NRDC: variants seen among roughly 807,000 people sequenced by gnomAD.
The protein encoded by NRDC is nardilysin convertase, also known as nardilysin.
A neutral mutation model predicts 147.1 loss-of-function variants in NRDC; 54 were observed. The ratio of observed to expected loss-of-function variants is 0.37; its 90% CI spans 0.29 to 0.46. The LOEUF (loss-of-function observed/expected upper bound fraction) is 0.46, where lower values mean the gene tolerates loss of function less well. Ranked by LOEUF, NRDC falls within the 20% of genes least tolerant of loss-of-function variation. The probability of loss-of-function intolerance (pLI) is 1.00; values close to 1 mark genes in which losing one functional copy is unlikely to be tolerated. For missense variants in NRDC, 1,082 were observed against 1,370.6 expected, an observed-to-expected ratio of 0.79 and a Z score of 3.33; for synonymous variants, 440 against 482.1, an observed-to-expected ratio of 0.91 and a Z score of 1.14.
At chr1:51,869,834 T>C (rs1168493526) in intron 1 of NRDC, among the ~76,000 whole-genome samples, 1 of 152,246 alleles carries the variant, frequency 6.6e-6, no homozygotes, top group African/African-American at 2.4e-5. Context: ...GTAGTATTTG[T>C]ATCATTTGCA....
chr1:51,792,469 A>G, intron 24 of NRDC, 45 bp from the exon 25 acceptor site: 1 of 1,592,424 alleles, frequency 6.3e-7, no homozygotes, highest in Non-Finnish European at 8.6e-7. Context: ...CCAGTGGTTT[A>G]CAGGGCTTTT....
chr1:51,816,075 T>C (rs1386108994), intron 11 of NRDC: 2 of 240,088 alleles, frequency 8.3e-6, no homozygotes, highest in African/African-American at 2.3e-5. Context: ...TATGATTTTT[T>C]AAAATTTTGT....
At chr1:51,835,451 G>C (rs1557919259) in intron 3 of NRDC, among the ~76,000 whole-genome samples, 1 of 144,696 alleles carries the variant, frequency 6.9e-6, no homozygotes, top group South Asian at 2.2e-4. Flanking sequence ...GAATTTCTAG[G>C]TTTTTTTTGT....
intron 1 of NRDC, among the ~76,000 whole-genome samples, chr1:51,851,412 A>G (rs1286140941): frequency 6.6e-6 from 1 of 151,736 alleles, no homozygotes; most frequent in East Asian, 1.9e-4. Context: ...AAGGTTTGTC[A>G]CCTAGGTTTT....
chr1:51,837,122 G>A (rs1377125329), intron 2 of NRDC, among the ~76,000 whole-genome samples: 1 of 152,006 alleles, frequency 6.6e-6, no homozygotes, highest in Non-Finnish European at 1.5e-5. Context: ...ACAAAAAAAG[G>A]AGAAAAAACG....
intron 9 of NRDC, among the ~76,000 whole-genome samples, chr1:51,819,564 G>A (rs1380492432): frequency 6.6e-6 from 1 of 152,094 alleles, no homozygotes; most frequent in Non-Finnish European, 1.5e-5. Flanking sequence ...GTAAAACAAG[G>A]AGAAAGCATG....
intron 1 of NRDC, among the ~76,000 whole-genome samples, chr1:51,858,468 CT>C (rs1476984226): frequency 1.6e-5 from 2 of 127,366 alleles, no homozygotes; most frequent in Non-Finnish European, 3.3e-5. Flanking sequence ...GAAACCCTGT[CT>C]TTAAAAAAAA....
intron 5 of NRDC, among the ~76,000 whole-genome samples, chr1:51,827,122 C>T (rs986160544): frequency 1.3e-5 from 2 of 152,182 alleles, no homozygotes; most frequent in Admixed American, 6.6e-5. Flanking sequence ...ACCATTCCAT[C>T]CTTTTTTACA....
intron 27 of NRDC, among the ~76,000 whole-genome samples, 176 bp from the exon 28 acceptor site, chr1:51,791,166 G>A (rs1031277097): frequency 3.3e-5 from 5 of 152,126 alleles, no homozygotes; most frequent in Admixed American, 6.5e-5. Flanking sequence ...AGGACAGAAA[G>A]AGAAAGAACC....
At chr1:51,847,800 C>G (rs2149231602) in intron 1 of NRDC, among the ~76,000 whole-genome samples, 1 of 152,368 alleles carries the variant, frequency 6.6e-6, no homozygotes, top group East Asian at 1.9e-4. Context: ...TCCGCCATCC[C>G]AGGAACGGGC....
At chr1:51,818,229 A>G (rs955460737) in intron 9 of NRDC, 94 bp from the exon 10 acceptor site, 10 of 807,268 alleles carry the variant, frequency 1.2e-5, no homozygotes, top group Admixed American at 1.0e-4. Context: ...TTATCCTCCA[A>G]TAAACAAGGA....
At chr1:51,849,315 T>C (rs936502289) in intron 1 of NRDC, among the ~76,000 whole-genome samples, 30 of 150,844 alleles carry the variant, frequency 2.0e-4, no homozygotes, top group Non-Finnish European at 8.9e-5. Context: ...GGAGAATGAC[T>C]GAGACAGGAG....
intron 1 of NRDC, among the ~76,000 whole-genome samples, chr1:51,844,234 T>TC (rs1188030683): frequency 6.6e-6 from 1 of 151,898 alleles, no homozygotes; most frequent in African/African-American, 2.4e-5. Context: ...TGAAATGTGT[T>TC]CCCCCCAAAA....
chr1:51,856,741 G>T (rs529694465), intron 1 of NRDC, among the ~76,000 whole-genome samples: 1 of 151,960 alleles, frequency 6.6e-6, no homozygotes, highest in Admixed American at 6.6e-5. Context: ...GGATAGGGTG[G>T]GACGCCCTCT....
chr1:51,814,894 G>A, intron 11 of NRDC, 81 bp from the exon 12 acceptor site: 1 of 1,356,674 alleles, frequency 7.4e-7, no homozygotes, highest in African/African-American at 1.5e-5. Flanking sequence ...AAATATAGAG[G>A]CTTTCTATGT....
Position 51,836,131 on chromosome 1 carries a change from T to C in NRDC, c.712A>G (p.Met238Val), listed in dbSNP as rs757688705. 1 of 1,613,690 alleles carries C rather than the reference T, an allele frequency of 6.2e-7. No individual in the cohort carries two copies. Among genetic ancestry groups the C allele is most frequent in the Non-Finnish European group, 8.5e-7 (1 of 1,179,602 alleles). ...GGAATGATATTTTACAAATTCTTACTGTGCTCCAAAAAGTGTGCCAGCCCC... is the reference window on the plus strand; with the variant it reads ...GGAATGATATTTTACAAATTCTTACCGTGCTCCAAAAAGTGTGCCAGCCCC... ...LPGLAHFLEHMVFMGSLKYPD... is the reference protein window; with the variant it reads ...LPGLAHFLEHVVFMGSLKYPD... Residue 238 changes from methionine (M) to valine (V), a missense_variant and splice_region_variant, in exon 3 of 31, where the codon ATG becomes GTG. This residue lies in a region of NRDC where 635 missense variants were observed against 923.8 expected (regional missense o/e 0.69). Coordinates refer to ENST00000352171, the MANE Select transcript of NRDC (RefSeq NM_001101662.2).
At chr1:51,794,445 C>T (rs374806184) in intron 24 of NRDC, 27 bp downstream of exon 24, 37 of 1,609,144 alleles carry the variant, frequency 2.3e-5, no homozygotes, top group African/African-American at 2.0e-4. Context: ...CTGGGCCTTC[C>T]GCCAGTCTTT....
intron 22 of NRDC, among the ~76,000 whole-genome samples, chr1:51,797,034 G>A (rs1678959389): frequency 6.6e-6 from 1 of 151,432 alleles, no homozygotes; most frequent in Non-Finnish European, 1.5e-5. Context: ...TCCCATCTCT[G>A]CTAAAAATAC....
intron 18 of NRDC, 139 bp downstream of exon 18, chr1:51,806,655 G>GTGGC: frequency 2.8e-6 from 2 of 724,310 alleles, no homozygotes; most frequent in Non-Finnish European, 4.6e-6. Context: ...GGGCATCAAG[G>GTGGC]TGGCTGATAG....
Sources: allele counts gnomAD v4.1 joint callset (sites outside exome capture counted in the v4.1 genomes callset), GRCh38; gene constraint gnomAD v4.1.1; regional missense constraint gnomAD v4.1.1; transcripts MANE v1.5; gene names NCBI Gene and HGNC (gene_info 2026-07-23, HGNC 2026-07-21).